Variants in RFFL observed in about 807,000 individuals in gnomAD.
RFFL encodes the protein E3 ubiquitin-protein ligase rififylin.
In RFFL, 16 loss-of-function variants were observed where a neutral mutation model predicts 40.4. The ratio of observed to expected loss-of-function variants is 0.40; its 90% CI spans 0.27 to 0.60. The LOEUF is 0.60. Ranked by LOEUF, RFFL falls within the 20% of genes least tolerant of loss-of-function variation. The probability of loss-of-function intolerance (pLI) is 0.47; values close to 1 mark genes in which losing one functional copy is unlikely to be tolerated. For missense variants in RFFL, 367 were observed against 451.7 expected, an observed-to-expected ratio of 0.81 and a Z score of 1.70; for synonymous variants, 154 against 167.9, an observed-to-expected ratio of 0.92 and a Z score of 0.64.
intron 2 of RFFL, among the ~76,000 whole-genome samples, chr17:35,024,136 C>T (rs978620504): frequency 3.4e-4 from 52 of 152,214 alleles, no homozygotes; most frequent in Non-Finnish European, 1.6e-4. Flanking sequence ...CAGAACTGGC[C>T]GTGGCGCCTC....
chr17:35,020,500 A>C (rs1184102099), intron 3 of RFFL, among the ~76,000 whole-genome samples: 1 of 151,274 alleles, frequency 6.6e-6, no homozygotes, highest in Non-Finnish European at 1.5e-5. Flanking sequence ...TGGGTAGAAT[A>C]GTTTCATCCC....
chr17:35,076,583 C>G (rs2091377610), intron 1 of RFFL, among the ~76,000 whole-genome samples: 1 of 151,472 alleles, frequency 6.6e-6, no homozygotes, highest in Non-Finnish European at 1.5e-5. Flanking sequence ...GAGGCTGAGG[C>G]AGGAGAATTG....
chr17:35,055,448 G>A lies in RFFL; in HGVS notation c.-9+8128C>T, dbSNP rs374432899. Among the ~76,000 whole-genome samples the A allele has an allele frequency of 1.9e-3, 293 of 151,972 alleles. 1 individual carries two copies. Among genetic ancestry groups the A allele is most frequent in the African/African-American group, 6.2e-3 (259 of 41,456 alleles). On this transcript the variant is annotated intron_variant, in intron 1 of 6. Coordinates refer to ENST00000394597, the MANE Select transcript of RFFL (RefSeq NM_001017368.2). Reference sequence around the variant, plus strand: ...AGCACTTTGGGAGGCCAAGGTGGGCGGATCACCTGAGGTCAGGAGTTTGAG... The same window carrying A: ...AGCACTTTGGGAGGCCAAGGTGGGCAGATCACCTGAGGTCAGGAGTTTGAG...
chr17:35,022,332 C>T (rs1455383563), intron 2 of RFFL, among the ~76,000 whole-genome samples: 1 of 152,196 alleles, frequency 6.6e-6, no homozygotes, highest in Non-Finnish European at 1.5e-5. Flanking sequence ...TATTACCTAA[C>T]GGTGACAGCC....
chr17:35,042,769 G>A (rs1249134857), intron 1 of RFFL, among the ~76,000 whole-genome samples: 1 of 141,940 alleles, frequency 7.0e-6, no homozygotes, highest in Non-Finnish European at 1.5e-5. Context: ...AGGTTGCAGT[G>A]AGCTGAGATC....
intron 1 of RFFL, among the ~76,000 whole-genome samples, chr17:35,046,104 T>A (rs2091198848): frequency 6.6e-6 from 1 of 150,414 alleles, no homozygotes; most frequent in Non-Finnish European, 1.5e-5. Flanking sequence ...TAAACACACA[T>A]AACCACAGCA....
intron 1 of RFFL, among the ~76,000 whole-genome samples, chr17:35,045,957 C>T (rs921962351): frequency 2.0e-5 from 3 of 146,890 alleles, no homozygotes; most frequent in Non-Finnish European, 4.4e-5. Flanking sequence ...ACCTGGGAGG[C>T]GGAGGTTGCG....
intron 1 of RFFL, among the ~76,000 whole-genome samples, chr17:35,031,789 T>C (rs1467377930): frequency 6.6e-6 from 1 of 151,888 alleles, no homozygotes; most frequent in Non-Finnish European, 1.5e-5. Context: ...ATATGCACCA[T>C]GGCATTAAAG....
chr17:35,071,576 C>T (rs2091350993), intron 1 of RFFL, among the ~76,000 whole-genome samples: 1 of 151,876 alleles, frequency 6.6e-6, no homozygotes, highest in Admixed American at 6.5e-5. Flanking sequence ...TGAGATCGCA[C>T]CATTGCACTC....
Position 35,011,302 on chromosome 17 carries a change from C to G in RFFL, c.*666G>C, listed in dbSNP as rs1394038084. 2.0e-5 allele frequency: 3 copies of G among 152,276 alleles called. No individual in the cohort carries two copies. Among genetic ancestry groups the G allele is most frequent in the East Asian group, 3.8e-4 (2 of 5,198 alleles). The allele number at this position is 152,276 out of a possible 1,614,324, so 9.4% of individuals were successfully genotyped here. A position where few individuals can be genotyped will look rare whatever the true frequency, so the allele number is the denominator to read the frequency against. ...TCCCAGAGTCAGGTCAGGAGACCAACAGCTTCCAATCCCAGCATTTAATGA... is the reference window on the plus strand; with the variant it reads ...TCCCAGAGTCAGGTCAGGAGACCAAGAGCTTCCAATCCCAGCATTTAATGA... On this transcript the variant is annotated 3_prime_UTR_variant, in exon 7 of 7. Transcript: ENST00000394597.
At chr17:35,069,146 T>G in intron 1 of RFFL, 1 of 397,592 alleles carries the variant, frequency 2.5e-6, no homozygotes, top group Non-Finnish European at 5.1e-6. Flanking sequence ...ATCATTCTTC[T>G]TTTCTGTATA....
chr17:35,055,900 T>C (rs905243170), intron 1 of RFFL, among the ~76,000 whole-genome samples: 1 of 152,106 alleles, frequency 6.6e-6, no homozygotes, highest in Admixed American at 6.6e-5. Context: ...TGCCAACCAG[T>C]TTGAAGACCC....
intron 1 of RFFL, among the ~76,000 whole-genome samples, chr17:35,059,111 C>T (rs1403051335): frequency 6.6e-6 from 1 of 151,156 alleles, no homozygotes; most frequent in Non-Finnish European, 1.5e-5. Flanking sequence ...CTCCGCCTCC[C>T]ATGTTCAAGC....
At chr17:35,025,867 CCA>C (rs2091037703) in intron 2 of RFFL, among the ~76,000 whole-genome samples, 1 of 152,194 alleles carries the variant, frequency 6.6e-6, no homozygotes, top group Admixed American at 6.5e-5. Context: ...TAAATAAGCT[CCA>C]GTCTTTGTTA....
chr17:35,029,691 AT>A (rs1006843048), intron 1 of RFFL, among the ~76,000 whole-genome samples: 10 of 149,338 alleles, frequency 6.7e-5, no homozygotes, highest in African/African-American at 2.0e-4. Flanking sequence ...CTAATTTTTT[AT>A]TTTTTTTTAT....
intron 5 of RFFL, among the ~76,000 whole-genome samples, chr17:35,016,127 AG>A (rs1183955498): frequency 2.6e-5 from 4 of 152,246 alleles, no homozygotes; most frequent in Admixed American, 1.3e-4. Flanking sequence ...TTTCAGATAA[AG>A]GGGTGATGCT....
At chr17:35,064,810 A>G (rs893581946), upstream of RFFL, among the ~76,000 whole-genome samples, 1 of 152,242 alleles carries the variant, frequency 6.6e-6, no homozygotes, top group African/African-American at 2.4e-5. Flanking sequence ...GTTAATTAAA[A>G]TGTACGTGCA....
In RFFL at chr17:35,009,904, C is replaced by T. The variant is rs553126154; in HGVS notation, c.*2064G>A. The stretch of plus-strand genomic sequence containing the variant: ...GAACTGAGTAGCTGAATGAATGATC[C>T]TTTGCTAATTGGTAGGCATTGTAAA... On this transcript the variant is annotated 3_prime_UTR_variant, in exon 7 of 7. Transcript: ENST00000394597. 6.5e-6 allele frequency: 1 copy of T among 152,722 alleles called. No homozygotes were observed. The highest frequency in any genetic ancestry group is 2.4e-5 in the African/African-American group (1 of 41,562). 9.5% of individuals were successfully genotyped at this position (152,722 alleles called of 1,614,324 possible).
intron 1 of RFFL, among the ~76,000 whole-genome samples, chr17:35,084,146 G>A (rs545907638): frequency 6.6e-6 from 1 of 152,346 alleles, no homozygotes; most frequent in South Asian, 2.1e-4. Context: ...GACGGAGGCA[G>A]GAGAATTGCT....
Sources: allele counts gnomAD v4.1 joint callset (sites outside exome capture counted in the v4.1 genomes callset), GRCh38; gene constraint gnomAD v4.1.1; transcripts MANE v1.5; gene names NCBI Gene and HGNC (gene_info 2026-07-23, HGNC 2026-07-21).